GRM4: variants seen among roughly 807,000 people sequenced by gnomAD.
The protein encoded by GRM4 is metabotropic glutamate receptor 4.
In GRM4, 28 loss-of-function variants were observed where a neutral mutation model predicts 81.7. The observed-to-expected ratio is 0.34, with a 90% CI of 0.25 to 0.47. The LOEUF (loss-of-function observed/expected upper bound fraction) is 0.47, where lower values mean the gene tolerates loss of function less well. GRM4 is among the 20% of genes least tolerant of loss of function. GRM4 has a pLI of 1.00. For synonymous variants in GRM4, 488 were observed against 528.8 expected, an observed-to-expected ratio of 0.92 and a Z score of 1.06; for missense variants, 948 against 1,290.0, an observed-to-expected ratio of 0.73 and a Z score of 4.06.
At chr6:34,153,480 C>T (rs1317750955) in intron 1 of GRM4, among the ~76,000 whole-genome samples, 17 of 152,276 alleles carry the variant, frequency 1.1e-4, no homozygotes, top group Admixed American at 1.1e-3. Flanking sequence ...AACTGAATTG[C>T]CTGCCCAGGG....
In GRM4 at chr6:34,080,831, CACACACACACACACAT is replaced by C. The variant is rs1052451509; in HGVS notation, c.736+11036_736+11051del. Among the ~76,000 whole-genome samples, 3 of 125,384 alleles carry C rather than the reference CACACACACACACACAT, an allele frequency of 2.4e-5. No individual in the cohort carries two copies. The highest frequency in any genetic ancestry group is 1.2e-4 in the African/African-American group (3 of 24,582). The allele number at this position is 125,384 out of a possible 152,430, so 82.3% of individuals were successfully genotyped here. ...ACTTCTCTCTTCTCTCTCTCTCTCT[CACACACACACACACAT>C]ACACACACACATACACATACATATA... is the stretch of plus-strand genomic sequence containing the variant. On this transcript the variant is annotated intron_variant, in intron 3 of 10. Coordinates refer to ENST00000538487, the MANE Select transcript of GRM4 (RefSeq NM_000841.4). This position sits in a 1 kb window ranked among gnomAD's most constrained non-coding sequence, Gnocchi z 5.4.
chr6:34,113,230 C>T (rs531282933), intron 2 of GRM4, among the ~76,000 whole-genome samples: 1 of 152,044 alleles, frequency 6.6e-6, no homozygotes, highest in Admixed American at 6.5e-5. Flanking sequence ...CAGCTCACTA[C>T]AGCCTCAAAC....
intron 2 of GRM4, among the ~76,000 whole-genome samples, chr6:34,113,388 G>C (rs1340891674): frequency 1.3e-5 from 2 of 152,228 alleles, no homozygotes; most frequent in African/African-American, 4.8e-5. Context: ...CTGGGCTCAA[G>C]TGATTCTCCC....
intron 6 of GRM4, among the ~76,000 whole-genome samples, chr6:34,043,152 C>G (rs935813232): frequency 2.6e-5 from 4 of 152,192 alleles, no homozygotes; most frequent in Non-Finnish European, 5.9e-5. Context: ...CTTCTAGACC[C>G]CACCCCTGCT....
intron 3 of GRM4, among the ~76,000 whole-genome samples, chr6:34,082,203 G>A (rs1337803176): frequency 6.6e-6 from 1 of 152,250 alleles, no homozygotes; most frequent in African/African-American, 2.4e-5. Context: ...GTAAGGAGGA[G>A]AAAGAAACAA....
chr6:34,039,054 A>G (rs1390739147), intron 8 of GRM4, among the ~76,000 whole-genome samples: 1 of 152,210 alleles, frequency 6.6e-6, no homozygotes, highest in Non-Finnish European at 1.5e-5. Flanking sequence ...AAACGGGCAC[A>G]TCGACTTGGT....
In GRM4 at chr6:34,062,038, G is replaced by A; in HGVS notation, c.737-10C>T. On this transcript the variant is annotated splice_polypyrimidine_tract_variant and intron_variant, in intron 3 of 10. Transcript: ENST00000538487. ...GCGATGCACACGCCCCCTGCAGGAG[G>A]GGCACCAGTTAGTTGGGGTGGGCAG... 6.2e-7 allele frequency: 1 copy of A among 1,603,632 alleles called. No homozygotes were observed.
At chr6:34,146,888 G>A (rs1444702870), upstream of GRM4, among the ~76,000 whole-genome samples, 1 of 152,178 alleles carries the variant, frequency 6.6e-6, no homozygotes, top group Non-Finnish European at 1.5e-5. Flanking sequence ...CCTTGCAACT[G>A]GACTGCCCTT....
Position 34,136,605 on chromosome 6 carries a change from C to CACACACACAT in GRM4, c.-363-2747_-363-2746insATGTGTGTGT, listed in dbSNP as rs3223087. Among the ~76,000 whole-genome samples the CACACACACAT allele has an allele frequency of 6.7e-6, 1 of 148,558 alleles. No individual in the cohort carries two copies. Among genetic ancestry groups the CACACACACAT allele is most frequent in the African/African-American group, 2.5e-5 (1 of 40,644 alleles). ...ACACACACACACACACACACACACA[C>CACACACACAT]GGGGAAGGACAGATGCCATGGGGGA... On this transcript the variant is annotated intron_variant, in intron 1 of 10. Transcript: ENST00000538487. The surrounding 1 kb of genome is among the most constrained non-coding windows in gnomAD (Gnocchi z 4.1).
chr6:34,127,883 G>A (rs1432476633), intron 2 of GRM4, among the ~76,000 whole-genome samples: 3 of 152,158 alleles, frequency 2.0e-5, no homozygotes, highest in East Asian at 1.9e-4. Flanking sequence ...ACAAAGCCAC[G>A]TCCTCGACAG....
intron 2 of GRM4, among the ~76,000 whole-genome samples, chr6:34,122,089 G>C (rs1769834349): frequency 6.6e-6 from 1 of 152,122 alleles, no homozygotes; most frequent in Non-Finnish European, 1.5e-5. Context: ...GCTGGGATGT[G>C]TCCCACAGGG....
Position 34,115,571 on chromosome 6 carries a change from C to G in GRM4, c.519+17407G>C, listed in dbSNP as rs75280853. Among the ~76,000 whole-genome samples the G allele has an allele frequency of 0.015, 2,298 of 152,288 alleles. 51 individuals are homozygous for G. Among genetic ancestry groups the G allele is most frequent in the East Asian group, 0.11 (580 of 5,162 alleles). On this transcript the variant is annotated intron_variant, in intron 2 of 10. Transcript: ENST00000538487. The surrounding 1 kb of genome is among the most constrained non-coding windows in gnomAD (Gnocchi z 4.1). ...GCCTCCAGGGGTCTGCCCGAAGACA[C>G]TCGGCAAACCTTTCAGGCCTCTAAA...
intron 3 of GRM4, among the ~76,000 whole-genome samples, chr6:34,086,109 C>T (rs958556802): frequency 4.6e-5 from 7 of 152,218 alleles, no homozygotes; most frequent in African/African-American, 1.7e-4. Flanking sequence ...TGAGTGGGGC[C>T]AGCCCCCTTG....
rs568493902 is a variant in GRM4, at chr6:34,035,102, G to A, written c.2442+566C>T. ...GGGATCTTGTGAGGGGTAGATGGAG[G>A]AGGGAGAAGAGAGGAGTGAACCAAA... On this transcript the variant is annotated intron_variant, in intron 9 of 10. Transcript: ENST00000538487. This position sits in a 1 kb window ranked among gnomAD's most constrained non-coding sequence, Gnocchi z 6.6. Among the ~76,000 whole-genome samples the A allele has an allele frequency of 6.6e-6, 1 of 152,270 alleles. No individual in the cohort carries two copies. The highest frequency in any genetic ancestry group is 1.9e-4 in the East Asian group (1 of 5,170).
At chr6:34,112,029 G>A (rs552076759) in intron 2 of GRM4, among the ~76,000 whole-genome samples, 11 of 152,270 alleles carry the variant, frequency 7.2e-5, no homozygotes, top group East Asian at 1.9e-4. Flanking sequence ...TAGTGGAAGG[G>A]GGGGACATGA....
rs760922756 is a variant in GRM4 at position 34,040,545 on chromosome 6, C to T, written c.1369+3G>A. ...TCAGGCACAGTCCGCACCACACCCC[C>T]ACCTGAGAAGTTGACGTTTCGGATG... On this transcript the variant is annotated splice_donor_region_variant and intron_variant, in intron 7 of 10. Transcript: ENST00000538487. 1.9e-6 allele frequency: 3 copies of T among 1,610,928 alleles called. No individual in the cohort carries two copies. In the African/African-American group the frequency reaches 4.0e-5, roughly 22 times the overall value.
At chr6:34,118,864 G>A (rs762805854) in intron 2 of GRM4, among the ~76,000 whole-genome samples, 4 of 152,188 alleles carry the variant, frequency 2.6e-5, no homozygotes, top group Non-Finnish European at 5.9e-5. Context: ...CACATCTTCA[G>A]TAAACATTTA....
chr6:34,022,863 G>A lies in GRM4; in HGVS notation c.2697C>T (p.Ala899=). 1 of 1,613,764 alleles carries A rather than the reference G, an allele frequency of 6.2e-7. No individual in the cohort carries two copies. The highest frequency in any genetic ancestry group is 1.7e-5 in the Admixed American group (1 of 60,022). The change falls in exon 11 of 11, where the codon GCC becomes GCT. Residue 899 remains alanine, a synonymous_variant. Transcript: ENST00000538487. The surrounding 1 kb of genome is among the most constrained non-coding windows in gnomAD (Gnocchi z 5.6). The part of the protein sequence containing the change: ...LCENLEAPAL[A]TKQTYVTYTN... ...TGTAAGTGACGTAAGTCTGTTTGGT[G>A]GCCAGCGCTGGAAGGAGAGAGACCA... is the stretch of plus-strand genomic sequence containing the variant.
At chr6:34,053,119 C>G (rs1230947920) in intron 6 of GRM4, among the ~76,000 whole-genome samples, 1 of 151,892 alleles carries the variant, frequency 6.6e-6, no homozygotes, top group Non-Finnish European at 1.5e-5. Context: ...ACACGCTTAT[C>G]TCTAAACCTC....
Sources: allele counts gnomAD v4.1 joint callset (sites outside exome capture counted in the v4.1 genomes callset), GRCh38; gene constraint gnomAD v4.1.1; non-coding constraint Gnocchi (gnomAD v3.1); transcripts MANE v1.5; gene names NCBI Gene and HGNC (gene_info 2026-07-23, HGNC 2026-07-21).